Variants in SMUG1 observed in about 807,000 individuals in gnomAD.
SMUG1 encodes the protein single-strand-selective monofunctional uracil-DNA glycosylase 1.
Under a neutral mutation model 23.9 loss-of-function variants are expected in SMUG1, and 13 were observed. The ratio of observed to expected loss-of-function variants is 0.54; its 90% CI spans 0.35 to 0.86. The LOEUF (loss-of-function observed/expected upper bound fraction) is 0.86, where lower values mean the gene tolerates loss of function less well. Among genes scored for constraint, SMUG1 ranks in the 40% least tolerant of loss-of-function variants. SMUG1 has a pLI of 0.01. For synonymous variants in SMUG1, 133 were observed against 139.8 expected (o/e 0.95, Z 0.34); for missense variants, 313 against 339.5 (o/e 0.92, Z 0.61).
intron 2 of SMUG1, among the ~76,000 whole-genome samples, chr12:54,186,031 C>G (rs989871102): frequency 2.6e-5 from 4 of 152,172 alleles, no homozygotes; most frequent in Non-Finnish European, 4.4e-5. Flanking sequence ...CCATTCTACT[C>G]ACATTTTCAA....
At chr12:54,178,256 T>C (rs1940801686), downstream of SMUG1, among the ~76,000 whole-genome samples, 2 of 152,074 alleles carry the variant, frequency 1.3e-5, no homozygotes, top group African/African-American at 4.8e-5. Context: ...TAATACAGTG[T>C]CCTTAGGGAA....
chr12:54,158,878 GCTCAAGTGCA>G (rs1352375968), intron 4 of SMUG1, among the ~76,000 whole-genome samples: 1 of 152,142 alleles, frequency 6.6e-6, no homozygotes, highest in Non-Finnish European at 1.5e-5. Context: ...TCTGTCTTTT[GCTCAAGTGCA>G]CTTATCCCTG....
At chr12:54,183,565 G>T in intron 3 of SMUG1, 91 bp downstream of exon 3, 1 of 1,336,024 alleles carries the variant, frequency 7.5e-7, no homozygotes, top group Non-Finnish European at 1.1e-6. Flanking sequence ...CATGTCTACA[G>T]CCATGCACAT....
At position 54,182,303 on chromosome 12, in the gene SMUG1, CA is replaced by C; in HGVS notation, c.605del (p.Val202GlyfsTer27). On this transcript the variant is annotated frameshift_variant, in exon 4 of 4. Coordinates refer to ENST00000682136, the MANE Select transcript of SMUG1 (RefSeq NM_001243787.2). LOFTEE classifies it high-confidence loss of function. ...CCACCAGCCGCACCCCCAGCAGCTG[CA>C]CCTGCCGGCAGAGGGCTGCATCACA... ...GICDAALCRQ[V>X]QLLGVRLVVG... 1.2e-6 allele frequency: 2 copies of C among 1,613,472 alleles called. No individual in the cohort carries two copies. Among genetic ancestry groups the C allele is most frequent in the Non-Finnish European group, 1.7e-6 (2 of 1,179,630 alleles).
In SMUG1 at chr12:54,185,477, TAAAATAAA is replaced by T. The variant is rs1463156461; in HGVS notation, c.-19-1526_-19-1519del. Among the ~76,000 whole-genome samples the T allele has an allele frequency of 5.0e-4, 29 of 57,506 alleles. 1 individual carries two copies. The highest frequency in any genetic ancestry group is 1.5e-3 in the African/African-American group (27 of 18,118). 37.7% of individuals were successfully genotyped at this position (57,506 alleles called of 152,430 possible). On this transcript the variant is annotated intron_variant, in intron 2 of 3. Coordinates refer to ENST00000682136, the MANE Select transcript of SMUG1 (RefSeq NM_001243787.2). ...AGCAAGACTCCATCTCAAAAAAAAATAAAATAAAAAATAAATAAATAAATAAATAAATA... is the reference window on the plus strand; with the variant it reads ...AGCAAGACTCCATCTCAAAAAAAAATAAATAAATAAATAAATAAATAAATA...
chr12:54,171,262 A>G (rs1284468092), intron 3 of SMUG1, among the ~76,000 whole-genome samples: 1 of 151,138 alleles, frequency 6.6e-6, no homozygotes, highest in Non-Finnish European at 1.5e-5. Context: ...GGCCTCCCAA[A>G]GTGCTGGGAT....
Position 54,181,243 on chromosome 12 carries a change from G to A in SMUG1, c.*853C>T, listed in dbSNP as rs867789880. The A allele has an allele frequency of 1.1e-4, 37 of 322,920 alleles. 1 individual carries two copies. In the South Asian group the frequency reaches 2.2e-3, roughly 19 times the overall value. The allele number at this position is 322,920 out of a possible 1,614,324, so 20.0% of individuals were successfully genotyped here. A position where few individuals can be genotyped will look rare whatever the true frequency, so the allele number is the denominator to read the frequency against. On this transcript the variant is annotated 3_prime_UTR_variant, in exon 4 of 4. Coordinates refer to ENST00000682136, the MANE Select transcript of SMUG1 (RefSeq NM_001243787.2). ...ATGGCAAGAATTTTCCCTTCACCCT[G>A]GCCGCAGGTGGAAGCCCAGACTCTC...
At position 54,182,236 on chromosome 12, in the gene SMUG1, G is replaced by C. The variant is rs774401284; in HGVS notation, c.673C>G (p.Leu225Val). 1 of 1,612,208 alleles carries C rather than the reference G, an allele frequency of 6.2e-7. No homozygotes were observed. The highest frequency in any genetic ancestry group is 1.7e-5 in the Admixed American group (1 of 59,908). ...RLAEQRARRA[L>V]AGLMPEVQVE... Reference sequence around the variant, plus strand: ...TGGACCTCTGGCATCAGGCCTGCCAGAGCCCGTCGTGCCCGCTGCTCTGCC... The same window carrying C: ...TGGACCTCTGGCATCAGGCCTGCCACAGCCCGTCGTGCCCGCTGCTCTGCC... Residue 225 changes from leucine (L) to valine (V), a missense_variant, in exon 4 of 4, where the codon CTG (leucine) becomes GTG (valine). Physicochemically the swap from Leu to Val is conservative, Grantham distance 32 (BLOSUM62 1). Coordinates refer to ENST00000682136, the MANE Select transcript of SMUG1 (RefSeq NM_001243787.2).
chr12:54,188,695 AG>A (rs1329284288), intron 1 of SMUG1: 1 of 152,218 alleles, frequency 6.6e-6, no homozygotes, highest in African/African-American at 2.4e-5. Context: ...CTGGTTCCAA[AG>A]GGGCCGACTA....
chr12:54,182,738 C>G, intron 3 of SMUG1, 115 bp from the exon 4 acceptor site: 2 of 1,486,586 alleles, frequency 1.3e-6, no homozygotes, highest in Non-Finnish European at 1.8e-6. Context: ...CCCCCTACCC[C>G]TACCTTCACC....
downstream of SMUG1, among the ~76,000 whole-genome samples, chr12:54,160,041 T>G (rs1317393084): frequency 6.6e-6 from 1 of 152,152 alleles, no homozygotes; most frequent in Non-Finnish European, 1.5e-5. Flanking sequence ...ACCTTGACAG[T>G]TTCTGACCCA....
At chr12:54,184,183 C>T (rs369073549) in intron 2 of SMUG1, 16 of 415,658 alleles carry the variant, frequency 3.8e-5, no homozygotes, top group African/African-American at 3.2e-4. Context: ...TCACATGGCA[C>T]CTGGTGAGGA....
chr12:54,183,555 C>T, intron 3 of SMUG1, 101 bp downstream of exon 3: 10 of 1,230,244 alleles, frequency 8.1e-6, no homozygotes, highest in Non-Finnish European at 1.1e-5. Flanking sequence ...AGGACCTACA[C>T]ATGTCTACAG....
At chr12:54,176,168 G>C (rs1361292259), downstream of SMUG1, among the ~76,000 whole-genome samples, 15 of 151,542 alleles carry the variant, frequency 9.9e-5, no homozygotes, top group Admixed American at 9.2e-4. Flanking sequence ...AGAAGTTGTG[G>C]TGAGCCAAGA....
chr12:54,176,189 G>A (rs1940744530), downstream of SMUG1, among the ~76,000 whole-genome samples: 1 of 150,460 alleles, frequency 6.6e-6, no homozygotes, highest in African/African-American at 2.5e-5. Flanking sequence ...TCACACCATT[G>A]CACTCCAACC....
At chr12:54,182,729 C>T in intron 3 of SMUG1, 106 bp from the exon 4 acceptor site, 1 of 1,494,370 alleles carries the variant, frequency 6.7e-7, no homozygotes, top group Non-Finnish European at 8.9e-7. Flanking sequence ...CAGCCTGCAC[C>T]CCCTACCCCT....
chr12:54,171,409 T>C (rs1420948058), intron 3 of SMUG1, among the ~76,000 whole-genome samples: 1 of 149,352 alleles, frequency 6.7e-6, no homozygotes, highest in Non-Finnish European at 1.5e-5. Flanking sequence ...TATAGACTTG[T>C]GGTCGGGCGC....
rs938953240 is a variant in SMUG1, at chr12:54,181,353, A to C, written c.*743T>G. The C allele has an allele frequency of 2.5e-5, 15 of 592,878 alleles. No homozygotes were observed. The highest frequency in any genetic ancestry group is 5.6e-5 in the African/African-American group (3 of 53,718). The allele number at this position is 592,878 out of a possible 1,614,324, so 36.7% of individuals were successfully genotyped here. Reference sequence around the variant, plus strand: ...TCAACCCAGAGGCAAGAAAACAAGAAGACTATGTAATGAGCACCCACATGC... The same window carrying C: ...TCAACCCAGAGGCAAGAAAACAAGACGACTATGTAATGAGCACCCACATGC... On this transcript the variant is annotated 3_prime_UTR_variant, in exon 4 of 4. Transcript: ENST00000682136.
At chr12:54,175,966 C>T (rs1157808291), downstream of SMUG1, among the ~76,000 whole-genome samples, 2 of 152,336 alleles carry the variant, frequency 1.3e-5, no homozygotes, top group South Asian at 4.1e-4. Context: ...GTGGCTCACG[C>T]CTGTAATCCC....
Sources: gnomAD v4.1 joint callset for allele counts (sites outside exome capture counted in the v4.1 genomes callset) on GRCh38, gnomAD v4.1.1 for gene constraint, MANE v1.5 for transcripts, NCBI Gene and HGNC (gene_info 2026-07-23, HGNC 2026-07-21) for gene names.